Variants in ZSCAN30 observed in about 807,000 individuals in gnomAD.
The protein encoded by ZSCAN30 is zinc finger and SCAN domain-containing protein 30.
Under a neutral mutation model 44.3 loss-of-function variants are expected in ZSCAN30, and 37 were observed. That is an observed-to-expected ratio of 0.84 (90% CI 0.64 to 1.10). The LOEUF (loss-of-function observed/expected upper bound fraction) is 1.10. Among genes scored for constraint, ZSCAN30 ranks in the 50% least tolerant of loss-of-function variants. The probability of loss-of-function intolerance (pLI) is 0.00; values close to 1 mark genes in which losing one functional copy is unlikely to be tolerated. For synonymous variants in ZSCAN30, 181 were observed against 204.6 expected (o/e 0.88, Z 0.98); for missense variants, 549 against 582.6 (o/e 0.94, Z 0.59).
At chr18:35,258,114 C>T (rs2043902777) in intron 3 of ZSCAN30, 1 of 682,274 alleles carries the variant, frequency 1.5e-6, no homozygotes, top group Admixed American at 2.1e-5. Context: ...CAATTTAAAC[C>T]TCATGACCTA....
intron 1 of ZSCAN30, among the ~76,000 whole-genome samples, chr18:35,277,227 G>C (rs1762040320): frequency 6.6e-6 from 1 of 152,208 alleles, no homozygotes; most frequent in African/African-American, 2.4e-5. Context: ...AGGCAGAAGG[G>C]ATTTGCCTTG....
In ZSCAN30 at chr18:35,264,227, C is replaced by T. The variant is rs868165998; in HGVS notation, c.126G>A (p.Trp42Ter). The T allele has an allele frequency of 1.9e-6, 3 of 1,614,032 alleles. No homozygotes were observed. The African/African-American group carries it at 4.0e-5, about 22-fold the overall frequency. ...DQDFGLQENPWSQEVFRQKFR... is the reference protein window; with the variant it reads ...DQDFGLQENP ...ACTTCTGCCGGAATACCTCTTGGCT[C>T]CAGGGGTTTTCCTGAAGGCCAAAGT... The change falls in exon 2 of 4, where the codon TGG (tryptophan) becomes TGA (stop). Residue 42 changes from tryptophan to a stop codon, truncating the protein, a stop_gained. Transcript: ENST00000333206. LOFTEE classifies it high-confidence loss of function.
chr18:35,256,657 T>A (rs954759830), intron 3 of ZSCAN30, among the ~76,000 whole-genome samples: 1 of 152,158 alleles, frequency 6.6e-6, no homozygotes, highest in Non-Finnish European at 1.5e-5. Flanking sequence ...TAATTTGTAA[T>A]CAGGCTCAAG....
chr18:35,276,567 G>T (rs1399622022), intron 1 of ZSCAN30, among the ~76,000 whole-genome samples: 4 of 152,220 alleles, frequency 2.6e-5, no homozygotes, highest in Non-Finnish European at 4.4e-5. Context: ...CGGGCTGTGG[G>T]TTTAGAGAGT....
intron 3 of ZSCAN30, chr18:35,258,271 G>A (rs1039330640): frequency 2.6e-6 from 1 of 386,916 alleles, no homozygotes; most frequent in Non-Finnish European, 4.8e-6. Context: ...TGGAGAACGA[G>A]TAAATTTTGC....
intron 3 of ZSCAN30, chr18:35,258,299 GA>G (rs2043909828): frequency 3.2e-6 from 1 of 309,216 alleles, no homozygotes; most frequent in African/African-American, 2.2e-5. Context: ...AAGGACATTG[GA>G]GAGATAGAGT....
chr18:35,265,186 T>G (rs2044123078), intron 1 of ZSCAN30, among the ~76,000 whole-genome samples: 1 of 151,690 alleles, frequency 6.6e-6, no homozygotes, highest in South Asian at 2.1e-4. Context: ...ACGAGGCTAC[T>G]AAGTCATAAG....
At chr18:35,275,211 T>G (rs1008989153) in intron 1 of ZSCAN30, among the ~76,000 whole-genome samples, 6 of 152,240 alleles carry the variant, frequency 3.9e-5, no homozygotes, top group African/African-American at 1.4e-4. Context: ...TCATGCCAGC[T>G]CATTCAACTA....
rs761566095 is a variant in ZSCAN30, at chr18:35,254,051, TCAACG to T, written c.879_883del (p.Ser293ArgfsTer3). ...GCACTCATAGAGCTTTTCCCTAGTG[TCAACG>T]CTCTGTTGTGTAATATCATTTGAAT... On this transcript the variant is annotated frameshift_variant, in exon 4 of 4. Coordinates refer to ENST00000333206, the MANE Select transcript of ZSCAN30 (RefSeq NM_001112734.4). LOFTEE classifies it high-confidence loss of function. 6 of 1,614,140 alleles carry T rather than the reference TCAACG, an allele frequency of 3.7e-6. No individual in the cohort carries two copies. Among genetic ancestry groups the T allele is most frequent in the African/African-American group, 1.3e-5 (1 of 75,062 alleles).
intron 1 of ZSCAN30, among the ~76,000 whole-genome samples, chr18:35,271,810 G>A (rs1030583591): frequency 7.2e-5 from 11 of 152,344 alleles, no homozygotes; most frequent in East Asian, 3.9e-4. Flanking sequence ...ATGGGGAGGC[G>A]GCTAAGGCCC....
chr18:35,256,942 T>TA (rs1473319169), intron 3 of ZSCAN30: 1 of 152,970 alleles, frequency 6.5e-6, no homozygotes, highest in Non-Finnish European at 1.5e-5. Context: ...TCCAGTTAAT[T>TA]AAAAAATTTT....
chr18:35,268,441 T>C (rs1195762180), intron 1 of ZSCAN30: 1 of 152,200 alleles, frequency 6.6e-6, no homozygotes, highest in Non-Finnish European at 1.5e-5. Context: ...AGGGATGACA[T>C]CGCCAAGGGA....
intron 3 of ZSCAN30, chr18:35,259,791 A>G (rs1419434484): frequency 2.0e-5 from 3 of 153,688 alleles, no homozygotes; most frequent in Non-Finnish European, 4.4e-5. Context: ...AAGAAAGTAA[A>G]AATAGTCTAC....
At chr18:35,284,952 A>G in intron 1 of ZSCAN30, 2 of 155,098 alleles carry the variant, frequency 1.3e-5, no homozygotes, top group Middle Eastern at 5.2e-4. Context: ...GCCAGCAGCC[A>G]TGACTTGGGC....
chr18:35,274,968 C>T (rs1056062593), intron 1 of ZSCAN30, among the ~76,000 whole-genome samples: 2 of 152,024 alleles, frequency 1.3e-5, no homozygotes, highest in Non-Finnish European at 2.9e-5. Context: ...ATATATTGGG[C>T]TTTACTGTCT....
intron 1 of ZSCAN30, among the ~76,000 whole-genome samples, chr18:35,265,559 A>G (rs2044132054): frequency 6.6e-6 from 1 of 152,214 alleles, no homozygotes; most frequent in African/African-American, 2.4e-5. Context: ...CTTGGCTGAT[A>G]CTAAATCAGA....
chr18:35,277,179 AG>A (rs1417053517), intron 1 of ZSCAN30, among the ~76,000 whole-genome samples: 1 of 152,198 alleles, frequency 6.6e-6, no homozygotes, highest in African/African-American at 2.4e-5. Flanking sequence ...CATCATATCC[AG>A]GAAGTAACTA....
At chr18:35,285,673 A>G (rs2044536774) in intron 1 of ZSCAN30, among the ~76,000 whole-genome samples, 1 of 152,186 alleles carries the variant, frequency 6.6e-6, no homozygotes. Context: ...AAATAAAAAG[A>G]CAACACATCA....
rs200243252 is a variant in ZSCAN30 at position 35,253,973 on chromosome 18, C to A, written c.962G>T (p.Arg321Ile). Residue 321 changes from arginine to isoleucine, a missense_variant, in exon 4 of 4, where the codon AGA (arginine) becomes ATA (isoleucine). Coordinates refer to ENST00000333206, the MANE Select transcript of ZSCAN30 (RefSeq NM_001112734.4). Reference sequence around the variant, plus strand: ...ATAAGGTCTCTCTCCAGTATGAATTCTCTGATGTCTAATCAGCTTTGAGCT... The same window carrying A: ...ATAAGGTCTCTCTCCAGTATGAATTATCTGATGTCTAATCAGCTTTGAGCT... The part of the protein sequence containing the change: ...CQSSKLIRHQ[R>I]IHTGERPYAC... 28 of 1,614,146 alleles carry A rather than the reference C, an allele frequency of 1.7e-5. No individual in the cohort carries two copies. The East Asian group carries it at 5.6e-4, about 32-fold the overall frequency.
Sources: gnomAD v4.1 joint callset for allele counts (sites outside exome capture counted in the v4.1 genomes callset) on GRCh38, gnomAD v4.1.1 for gene constraint, MANE v1.5 for transcripts, NCBI Gene and HGNC (gene_info 2026-07-23, HGNC 2026-07-21) for gene names.